Variants in PACRG observed in about 807,000 individuals in gnomAD.
The protein encoded by PACRG is parkin coregulated gene protein.
A neutral mutation model predicts 29.7 loss-of-function variants in PACRG; 29 were observed. The ratio of observed to expected loss-of-function variants is 0.98; its 90% confidence interval spans 0.73 to 1.33. The LOEUF is 1.33. Ranked by LOEUF, PACRG falls within the 40% of genes most tolerant of loss-of-function variation. The probability of loss-of-function intolerance (pLI) is 0.00; values close to 1 mark genes in which losing one functional copy is unlikely to be tolerated. For missense variants in PACRG, 279 were observed against 316.2 expected (o/e 0.88, Z 0.89); for synonymous variants, 116 against 118.7 (o/e 0.98, Z 0.15).
At chr6:162,757,261 G>T (rs1781997978) in intron 1 of PACRG, among the ~76,000 whole-genome samples, 1 of 152,092 alleles carries the variant, frequency 6.6e-6, no homozygotes, top group African/African-American at 2.4e-5. Context: ...AATTGATACT[G>T]ATCTATAATT....
At chr6:162,851,327 A>G (rs74354308) in intron 2 of PACRG, among the ~76,000 whole-genome samples, 3,744 of 152,166 alleles carry the variant, frequency 0.025, 119 homozygotes, top group Admixed American at 0.098. Flanking sequence ...CACCCACACT[A>G]TGATCTCCTT....
At chr6:163,198,418 G>A (rs886449567) in intron 4 of PACRG, among the ~76,000 whole-genome samples, 8 of 152,186 alleles carry the variant, frequency 5.3e-5, no homozygotes, top group African/African-American at 1.9e-4. Context: ...TATGCATCAG[G>A]CACTTGCTCT....
At chr6:163,284,310 G>A (rs1050299683) in intron 4 of PACRG, among the ~76,000 whole-genome samples, 18 of 152,290 alleles carry the variant, frequency 1.2e-4, no homozygotes, top group Non-Finnish European at 2.1e-4. Context: ...GCTGCTGGAC[G>A]TTCTGACCTC....
At chr6:162,835,613 C>G (rs777448195) in intron 2 of PACRG, among the ~76,000 whole-genome samples, 10 of 152,034 alleles carry the variant, frequency 6.6e-5, no homozygotes, top group Non-Finnish European at 5.9e-5. Flanking sequence ...TCATGCATCT[C>G]GACAATGAAA....
At chr6:162,964,473 G>A (rs1193989293) in intron 2 of PACRG, among the ~76,000 whole-genome samples, 1 of 152,174 alleles carries the variant, frequency 6.6e-6, no homozygotes, top group Non-Finnish European at 1.5e-5. Context: ...GTAAGAAAGA[G>A]AAGATTCGAA....
At chr6:163,277,603 C>T (rs757192820) in intron 4 of PACRG, among the ~76,000 whole-genome samples, 1 of 143,350 alleles carries the variant, frequency 7.0e-6, no homozygotes, top group Admixed American at 6.9e-5. Flanking sequence ...CATATACATA[C>T]TTTGTCTATA....
At chr6:162,947,595 C>CAT (rs59243050) in intron 2 of PACRG, among the ~76,000 whole-genome samples, 5,752 of 24,068 alleles carry the variant, frequency 0.24, 519 homozygotes, top group Middle Eastern at 0.43. Flanking sequence ...TATATATAAT[C>CAT]ATATATATAT....
intron 1 of PACRG, among the ~76,000 whole-genome samples, chr6:162,807,641 A>G (rs1786467730): frequency 6.6e-6 from 1 of 152,204 alleles, no homozygotes; most frequent in African/African-American, 2.4e-5. Context: ...AAATCACAAT[A>G]GTAACATTGA....
intron 2 of PACRG, among the ~76,000 whole-genome samples, chr6:162,961,081 C>G (rs1364159680): frequency 6.6e-6 from 1 of 152,186 alleles, no homozygotes; most frequent in African/African-American, 2.4e-5. Flanking sequence ...TGCTGTCACT[C>G]ATAGCCCTGT....
At chr6:163,127,637 C>A (rs543617872) in intron 4 of PACRG, among the ~76,000 whole-genome samples, 1 of 152,180 alleles carries the variant, frequency 6.6e-6, no homozygotes, top group African/African-American at 2.4e-5. Context: ...AGTCATGACA[C>A]TGAAGTTGCA....
intron 2 of PACRG, among the ~76,000 whole-genome samples, chr6:162,976,486 A>G (rs1385457339): frequency 6.6e-6 from 1 of 152,182 alleles, no homozygotes; most frequent in East Asian, 1.9e-4. Context: ...CCAGGTTCTT[A>G]TAATGAATGA....
At chr6:163,207,778 A>G (rs936792351) in intron 4 of PACRG, among the ~76,000 whole-genome samples, 1 of 152,248 alleles carries the variant, frequency 6.6e-6, no homozygotes, top group Non-Finnish European at 1.5e-5. Context: ...GTCAGGATCC[A>G]TAAGTGTCTC....
At chr6:162,747,855 C>A (rs1057288811) in intron 1 of PACRG, among the ~76,000 whole-genome samples, 1 of 151,908 alleles carries the variant, frequency 6.6e-6, no homozygotes, top group Non-Finnish European at 1.5e-5. Flanking sequence ...TCATCTTAAT[C>A]CACAAATATC....
intron 2 of PACRG, among the ~76,000 whole-genome samples, chr6:162,834,614 G>A (rs1789060595): frequency 6.6e-6 from 1 of 151,382 alleles, no homozygotes; most frequent in South Asian, 2.1e-4. Flanking sequence ...TAAAAGATTT[G>A]ATAATTGCAA....
intron 2 of PACRG, among the ~76,000 whole-genome samples, chr6:162,884,723 C>T (rs1263233538): frequency 6.6e-6 from 1 of 151,926 alleles, no homozygotes; most frequent in East Asian, 1.9e-4. Flanking sequence ...AACATGTCAC[C>T]GTCTCTTCTG....
chr6:162,988,261 T>TTGTG (rs557534002), intron 2 of PACRG, among the ~76,000 whole-genome samples: 6 of 152,182 alleles, frequency 3.9e-5, no homozygotes, highest in Non-Finnish European at 8.8e-5. Flanking sequence ...AGGAAGAATG[T>TTGTG]TGTGAATTTC....
At chr6:163,116,049 C>T (rs73786973) in intron 4 of PACRG, among the ~76,000 whole-genome samples, 3,653 of 152,242 alleles carry the variant, frequency 0.024, 158 homozygotes, top group African/African-American at 0.083. Context: ...GGGAAACTTC[C>T]TGAGGGGTGT....
intron 1 of PACRG, among the ~76,000 whole-genome samples, chr6:162,792,552 G>C (rs909788765): frequency 2.0e-5 from 3 of 151,902 alleles, no homozygotes; most frequent in South Asian, 4.2e-4. Context: ...TGAAGCACTG[G>C]TCCAACTATC....
intron 4 of PACRG, among the ~76,000 whole-genome samples, chr6:163,185,852 C>G (rs965192481): frequency 2.6e-5 from 4 of 152,162 alleles, no homozygotes; most frequent in Non-Finnish European, 5.9e-5. Flanking sequence ...GGTTGTGCAT[C>G]GGGAGAATTT....
Sources: allele counts gnomAD v4.1 joint callset (sites outside exome capture counted in the v4.1 genomes callset), GRCh38; gene constraint gnomAD v4.1.1; transcripts MANE v1.5; gene names NCBI Gene and HGNC (gene_info 2026-07-23, HGNC 2026-07-21).